OR2J2: variants seen among roughly 807,000 people sequenced by gnomAD.
OR2J2 encodes the protein olfactory receptor 2J2.
Under a neutral mutation model 16.9 loss-of-function variants are expected in OR2J2, and 13 were observed. The observed-to-expected ratio is 0.77, with a 90% confidence interval of 0.50 to 1.23. The LOEUF (loss-of-function observed/expected upper bound fraction) is 1.23, where lower values mean the gene tolerates loss of function less well. OR2J2 is among the 50% of genes most tolerant of loss of function. The pLI is 0.00. For synonymous variants in OR2J2, 125 were observed against 141.2 expected (o/e 0.89, Z 0.81); for missense variants, 341 against 379.1 (o/e 0.90, Z 0.84).
At chr6:29,173,535 G>A in intron 1 of OR2J2, 84 bp from the exon 2 acceptor site, 1 of 834,068 alleles carries the variant, frequency 1.2e-6, no homozygotes, top group Non-Finnish European at 1.9e-6. Context: ...TCTGGAAGTG[G>A]GATACTTTTG....
Position 29,172,829 on chromosome 6 carries a change from T to C in OR2J2, c.-17-790T>C, listed in dbSNP as rs1251332743. Reference sequence around the variant, plus strand: ...TTGTCCTTGTCTAACAAACTTGTTATACATTCTTTCAACTTCGCATACCAC... The same window carrying C: ...TTGTCCTTGTCTAACAAACTTGTTACACATTCTTTCAACTTCGCATACCAC... On this transcript the variant is annotated intron_variant, in intron 1 of 1. Coordinates refer to ENST00000641417, the MANE Select transcript of OR2J2 (RefSeq NM_030905.3). Among the ~76,000 whole-genome samples, 5 of 152,290 alleles carry C rather than the reference T, an allele frequency of 3.3e-5. No homozygotes were observed. In the South Asian group the frequency reaches 1.0e-3, roughly 32 times the overall value.
In OR2J2 at chr6:29,174,078, C is replaced by T; in HGVS notation, c.443C>T (p.Ala148Val). 2.5e-6 allele frequency: 4 copies of T among 1,613,500 alleles called. No individual in the cohort carries two copies. The highest frequency in any genetic ancestry group is 2.5e-6 in the Non-Finnish European group (3 of 1,179,882). Residue 148 changes from alanine to valine, a missense_variant, in exon 2 of 2, where the codon GCT becomes GTT. Physicochemically the swap from Ala to Val is moderately conservative, Grantham distance 64. Coordinates refer to ENST00000641417, the MANE Select transcript of OR2J2 (RefSeq NM_030905.3). ...HPRFCHLLVA[A>V]SWVIGFTISA... ...CGTTTCTGCCACTTGTTGGTTGCGGCTTCTTGGGTAATTGGTTTTACTATC... is the reference window on the plus strand; with the variant it reads ...CGTTTCTGCCACTTGTTGGTTGCGGTTTCTTGGGTAATTGGTTTTACTATC...
chr6:29,171,461 AAGAG>A (rs1304712965), intron 1 of OR2J2, among the ~76,000 whole-genome samples: 1 of 152,116 alleles, frequency 6.6e-6, no homozygotes, highest in Non-Finnish European at 1.5e-5. Flanking sequence ...GATTTAAAAA[AAGAG>A]AGAAGATATT....
chr6:29,171,040 A>C lies in OR2J2; in HGVS notation c.-83A>C, dbSNP rs1465979512. ...ATGGCAACCAGAGAGCCCCTTCATC[A>C]GTTTATACCTGATGAGGTTGTAGGC... On this transcript the variant is annotated 5_prime_UTR_variant, in exon 1 of 2. Transcript: ENST00000641417. 2.0e-5 allele frequency: 3 copies of C among 152,138 alleles called. No individual in the cohort carries two copies. The highest frequency in any genetic ancestry group is 1.9e-4 in the East Asian group (1 of 5,180). 9.4% of individuals were successfully genotyped at this position (152,138 alleles called of 1,614,324 possible). A position where few individuals can be genotyped will look rare whatever the true frequency, so the allele number is the denominator to read the frequency against.
rs755813939 is a variant in OR2J2, at chr6:29,174,039, T to C, written c.404T>C (p.Val135Ala). Residue 135 changes from valine to alanine, a missense_variant, in exon 2 of 2, where the codon GTC (valine) becomes GCC (alanine). By Grantham distance (64) the Val-to-Ala change is moderately conservative. Coordinates refer to ENST00000641417, the MANE Select transcript of OR2J2 (RefSeq NM_030905.3). ...GTGTGTAGACCTTTGCATTACACTG[T>C]CCTCATGCACCCTCGTTTCTGCCAC... Reference protein sequence around the residue: ...VAVCRPLHYTVLMHPRFCHLL... With the variant: ...VAVCRPLHYTALMHPRFCHLL... 4.3e-6 allele frequency: 7 copies of C among 1,613,364 alleles called. No homozygotes were observed. The highest frequency in any genetic ancestry group is 1.3e-5 in the African/African-American group (1 of 74,798).
At position 29,173,613 on chromosome 6, in the gene OR2J2, C is replaced by T. The variant is rs9257565; in HGVS notation, c.-17-6C>T. ...AGACTTTGAGTTTATGTGGTTCTTT[C>T]TTTAGGTATAAGAAAAAGATGAATG... On this transcript the variant is annotated splice_polypyrimidine_tract_variant and splice_region_variant and intron_variant, in intron 1 of 1. Coordinates refer to ENST00000641417, the MANE Select transcript of OR2J2 (RefSeq NM_030905.3). 0.011 allele frequency: 17,377 copies of T among 1,547,680 alleles called. 150 individuals carry two copies. Among genetic ancestry groups the T allele is most frequent in the South Asian group, 0.013 (1,045 of 81,056 alleles).
Position 29,173,702 on chromosome 6 carries a change from C to G in OR2J2, c.67C>G (p.Gln23Glu), listed in dbSNP as rs199886529. The G allele has an allele frequency of 1.9e-4, 314 of 1,613,446 alleles. 1 individual carries two copies. Among genetic ancestry groups the G allele is most frequent in the Non-Finnish European group, 2.5e-4 (300 of 1,179,890 alleles). The change falls in exon 2 of 2, where the codon CAG becomes GAG. Residue 23 changes from glutamine to glutamate, a missense_variant. Transcript: ENST00000641417. Reference sequence around the variant, plus strand: ...TCTACTTGGATTTTCTAATTGGCCTCAGCTGGAAGTAGTTCTCTTTGTGGT... The same window carrying G: ...TCTACTTGGATTTTCTAATTGGCCTGAGCTGGAAGTAGTTCTCTTTGTGGT... ...FILLGFSNWPQLEVVLFVVIL... is the reference protein window; with the variant it reads ...FILLGFSNWPELEVVLFVVIL...
At position 29,174,136 on chromosome 6, in the gene OR2J2, ACC is replaced by A; in HGVS notation, c.504_505del (p.Cys170TrpfsTer11). ...TTCATTCCTCCTTTACTTTCTGGGT[ACC>A]CCTTTGTGGACATCGCCTAGTGGAT... Reference protein sequence around the residue: ...ALHSSFTFWVPLCGHRLVDHF... With the variant: ...ALHSSFTFWVXLCGHRLVDHF... On this transcript the variant is annotated frameshift_variant, in exon 2 of 2. Transcript: ENST00000641417. LOFTEE classifies it high-confidence loss of function. The A allele has an allele frequency of 6.2e-7, 1 of 1,612,968 alleles. No homozygotes were observed. The highest frequency in any genetic ancestry group is 1.3e-5 in the African/African-American group (1 of 74,660).
In OR2J2 at chr6:29,173,644, T is replaced by A. The variant is rs781219101; in HGVS notation, c.9T>A (p.Ile3=). 6.3e-7 allele frequency: 1 copy of A among 1,596,396 alleles called. No homozygotes were observed. The highest frequency in any genetic ancestry group is 1.4e-5 in the African/African-American group (1 of 73,790). MM[I]KKNASSEDFF... ...GTATAAGAAAAAGATGAATGATGAT[T>A]AAAAAAAATGCAAGTTCGGAAGACT... The change falls in exon 2 of 2, where the codon ATT becomes ATA. Residue 3 remains isoleucine (I), a synonymous_variant. Transcript: ENST00000641417.
rs932382106 is a variant in OR2J2, at chr6:29,174,673, C to T, written c.*99C>T. The stretch of plus-strand genomic sequence containing the variant: ...TCTTTGTGATTTATTTTTGTTCTAA[C>T]AGCTCACAAAACAGAATAGTTCAGT... On this transcript the variant is annotated 3_prime_UTR_variant, in exon 2 of 2. Coordinates refer to ENST00000641417, the MANE Select transcript of OR2J2 (RefSeq NM_030905.3). 12 of 915,578 alleles carry T rather than the reference C, an allele frequency of 1.3e-5. No individual in the cohort carries two copies. In the African/African-American group the frequency reaches 1.5e-4, roughly 11 times the overall value. 56.7% of individuals were successfully genotyped at this position (915,578 alleles called of 1,614,324 possible).
Position 29,174,559 on chromosome 6 carries a change from G to A in OR2J2, c.924G>A (p.Trp308Ter), listed in dbSNP as rs773485941. The A allele has an allele frequency of 1.3e-5, 21 of 1,602,642 alleles. No individual in the cohort carries two copies. The highest frequency in any genetic ancestry group is 1.2e-5 in the Non-Finnish European group (14 of 1,174,294). ...GGGCAGCGAAGAGACTATTGGGGTG[G>A]GAGTGGGGGAAGTGACAGGGAAATC... Reference protein sequence around the residue: ...VKGAAKRLLGWEWGK With the variant: ...VKGAAKRLLG Residue 308 changes from tryptophan to a stop codon, truncating the protein, a stop_gained, in exon 2 of 2, where the codon TGG (tryptophan) becomes TGA (stop). Transcript: ENST00000641417. LOFTEE classifies it high-confidence loss of function.
At chr6:29,172,937 T>G (rs1765580063) in intron 1 of OR2J2, among the ~76,000 whole-genome samples, 1 of 152,190 alleles carries the variant, frequency 6.6e-6, no homozygotes, top group Non-Finnish European at 1.5e-5. Flanking sequence ...GACTCTGTAA[T>G]CTTTATGTCT....
chr6:29,173,086 G>A (rs1284490787), intron 1 of OR2J2, among the ~76,000 whole-genome samples: 1 of 151,984 alleles, frequency 6.6e-6, no homozygotes, highest in African/African-American at 2.4e-5. Flanking sequence ...ACTTTGATTT[G>A]TGCATTATTT....
intron 1 of OR2J2, among the ~76,000 whole-genome samples, 184 bp downstream of exon 1, chr6:29,171,289 G>A (rs757182813): frequency 4.6e-5 from 7 of 151,866 alleles, no homozygotes; most frequent in Non-Finnish European, 1.0e-4. Flanking sequence ...ACATTACAGT[G>A]TACTCCATAA....
chr6:29,174,816 G>A lies in OR2J2; in HGVS notation c.*242G>A. 1 of 439,666 alleles carries A rather than the reference G, an allele frequency of 2.3e-6. No homozygotes were observed. The highest frequency in any genetic ancestry group is 6.1e-5 in the South Asian group (1 of 16,520). 27.2% of individuals were successfully genotyped at this position (439,666 alleles called of 1,614,324 possible). ...ATATTTTATTTCTGTGAAAATTGTG[G>A]ACTGTGGTTTCAACGTAAATAAATG... On this transcript the variant is annotated 3_prime_UTR_variant, in exon 2 of 2. Coordinates refer to ENST00000641417, the MANE Select transcript of OR2J2 (RefSeq NM_030905.3).
At chr6:29,171,142 G>A (rs1582012683) in intron 1 of OR2J2, 37 bp downstream of exon 1, 1 of 152,048 alleles carries the variant, frequency 6.6e-6, no homozygotes, top group Non-Finnish European at 1.5e-5. Flanking sequence ...TTCTTAAGGG[G>A]TAGACAGCTT....
rs570827438 is a variant in OR2J2 at position 29,171,936 on chromosome 6, TC to T, written c.-18+833del. On this transcript the variant is annotated intron_variant, in intron 1 of 1. Transcript: ENST00000641417. ...CACAGATTTGGCCCAAGTTCAATGT[TC>T]CTAGCTCTCCAGCTGTAACTCAACC... Among the ~76,000 whole-genome samples, 12 of 152,270 alleles carry T rather than the reference TC, an allele frequency of 7.9e-5. No homozygotes were observed. In the South Asian group the frequency reaches 2.5e-3, roughly 32 times the overall value.
chr6:29,174,215 C>T lies in OR2J2; in HGVS notation c.580C>T (p.His194Tyr). The T allele has an allele frequency of 6.2e-7, 1 of 1,613,748 alleles. No individual in the cohort carries two copies. Residue 194 changes from histidine (H) to tyrosine (Y), a missense_variant, in exon 2 of 2, where the codon CAT (histidine) becomes TAT (tyrosine). Transcript: ENST00000641417. Reference protein sequence around the residue: ...ALLRLSCVDTHANELTLMVMS... With the variant: ...ALLRLSCVDTYANELTLMVMS... ...TCTGCGTTTATCATGTGTTGACACC[C>T]ATGCAAATGAGCTGACCCTCATGGT...
Position 29,175,184 on chromosome 6 carries a change from TG to T in OR2J2, c.*612del, listed in dbSNP as rs1306682708. On this transcript the variant is annotated 3_prime_UTR_variant, in exon 2 of 2. Coordinates refer to ENST00000641417, the MANE Select transcript of OR2J2 (RefSeq NM_030905.3). ...ACAGTAAACTAATATCTCTTTAAAA[TG>T]GCTCTTTCGTTCATCTGTCCATTTA... 6.6e-6 allele frequency: 1 copy of T among 152,200 alleles called. No homozygotes were observed. The highest frequency in any genetic ancestry group is 1.5e-5 in the Non-Finnish European group (1 of 68,056). 9.4% of individuals were successfully genotyped at this position (152,200 alleles called of 1,614,324 possible).
Sources: gnomAD v4.1 joint callset for allele counts (sites outside exome capture counted in the v4.1 genomes callset) on GRCh38, gnomAD v4.1.1 for gene constraint, MANE v1.5 for transcripts, NCBI Gene and HGNC (gene_info 2026-07-23, HGNC 2026-07-21) for gene names.